EPB41L3: variants seen among roughly 807,000 people sequenced by gnomAD.
EPB41L3 encodes erythrocyte membrane protein band 4.1 like 3.
EPB41L3 carries 57 observed loss-of-function variants against 127.1 expected under a neutral mutation model. The observed-to-expected ratio is 0.45, with a 90% CI of 0.36 to 0.56. The LOEUF (loss-of-function observed/expected upper bound fraction) is 0.56. Ranked by LOEUF, EPB41L3 falls within the 20% of genes least tolerant of loss-of-function variation. The probability of loss-of-function intolerance (pLI) is 0.00; values close to 1 mark genes in which losing one functional copy is unlikely to be tolerated. For synonymous variants in EPB41L3, 572 were observed against 549.5 expected (o/e 1.04, Z -0.57); for missense variants, 1,273 against 1,372.2 (o/e 0.93, Z 1.14).
chr18:5,595,868 T>C (rs1027116327), intron 3 of EPB41L3, among the ~76,000 whole-genome samples: 1 of 152,148 alleles, frequency 6.6e-6, no homozygotes, highest in Non-Finnish European at 1.5e-5. Context: ...TCTGTAATCC[T>C]CCAAAAATTG....
intron 1 of EPB41L3, chr18:5,540,375 T>C (rs573010405): frequency 7.1e-5 from 70 of 985,322 alleles, no homozygotes; most frequent in Middle Eastern, 1.0e-3. Context: ...AGGAGTCTCA[T>C]TGATTGATCA....
intron 5 of EPB41L3, among the ~76,000 whole-genome samples, chr18:5,440,911 C>T (rs1419281952): frequency 6.6e-6 from 1 of 152,190 alleles, no homozygotes; most frequent in African/African-American, 2.4e-5. Context: ...GGGTCTCACT[C>T]TGACACCCAG....
intron 14 of EPB41L3, among the ~76,000 whole-genome samples, chr18:5,409,850 T>A (rs891211020): frequency 3.3e-5 from 5 of 152,120 alleles, no homozygotes; most frequent in Admixed American, 3.3e-4. Flanking sequence ...AAAGATATTT[T>A]AACTACTTAA....
intron 1 of EPB41L3, among the ~76,000 whole-genome samples, chr18:5,501,616 A>G (rs1240235584): frequency 1.3e-5 from 2 of 152,166 alleles, no homozygotes; most frequent in Admixed American, 1.3e-4. Flanking sequence ...CCCCACAATT[A>G]ATTAACTAAG....
At chr18:5,428,167 G>C (rs931787638) in intron 9 of EPB41L3, 146 bp downstream of exon 9, 47 of 831,908 alleles carry the variant, frequency 5.6e-5, no homozygotes, top group Non-Finnish European at 8.7e-5. Context: ...TGTTTATTGG[G>C]CAAACCTACA....
intron 6 of EPB41L3, among the ~76,000 whole-genome samples, chr18:5,436,623 T>C (rs979787133): frequency 1.3e-5 from 2 of 152,046 alleles, no homozygotes; most frequent in Non-Finnish European, 2.9e-5. Flanking sequence ...TTAGCCAGGA[T>C]GGTCTTGATC....
rs558880939 is a variant in EPB41L3, at chr18:5,500,795, A to G, written c.-11-11601T>C. 9.2e-5 allele frequency among the ~76,000 whole-genome samples: 14 copies of G among 152,352 alleles called. No homozygotes were observed. In the East Asian group the frequency reaches 2.7e-3, roughly 29 times the overall value. ...CTGCATCTCATGAATGTAACAGTAC[A>G]GTACAGTACTTATTTCTAGGAGCCC... On this transcript the variant is annotated intron_variant, in intron 1 of 22. Transcript: ENST00000341928.
rs766104072 is a variant in EPB41L3 at position 5,395,638 on chromosome 18, T to C, written c.3043A>G (p.Ser1015Gly). Reference sequence around the variant, plus strand: ...GTGATGTGCGTAGTGGTGGTGGTACTGGTGGTTTCAGATGTGATCGTCTGT... The same window carrying C: ...GTGATGTGCGTAGTGGTGGTGGTACCGGTGGTTTCAGATGTGATCGTCTGT... The part of the protein sequence containing the change: ...SAQTITSETT[S>G]TTTTTHITKT... The change falls in exon 20 of 23, where the codon AGT (serine) becomes GGT (glycine). Residue 1015 changes from serine to glycine, a missense_variant. By Grantham distance (56) the Ser-to-Gly change is moderately conservative. Transcript: ENST00000341928. 15 of 1,614,052 alleles carry C rather than the reference T, an allele frequency of 9.3e-6. 1 individual carries two copies. The highest frequency in any genetic ancestry group is 3.3e-5 in the Admixed American group (2 of 60,010).
chr18:5,603,856 G>T (rs1487014151), intron 3 of EPB41L3, among the ~76,000 whole-genome samples: 1 of 151,978 alleles, frequency 6.6e-6, no homozygotes, highest in Non-Finnish European at 1.5e-5. Context: ...ACAAAGTGAG[G>T]CCTTGTCTCA....
intron 22 of EPB41L3, 177 bp from the exon 23 acceptor site, chr18:5,393,655 G>C (rs1403659943): frequency 8.5e-6 from 4 of 471,002 alleles, no homozygotes; most frequent in Non-Finnish European, 1.5e-5. Context: ...TTACAACAAC[G>C]CCCAAGTGGC....
chr18:5,545,838 A>T (rs2093870208), upstream of EPB41L3, among the ~76,000 whole-genome samples: 1 of 151,860 alleles, frequency 6.6e-6, no homozygotes, highest in Non-Finnish European at 1.5e-5. Flanking sequence ...TATTAGAGAC[A>T]TATATGCACA....
chr18:5,578,710 T>C (rs2094361456), intron 3 of EPB41L3, among the ~76,000 whole-genome samples: 2 of 152,074 alleles, frequency 1.3e-5, no homozygotes, highest in African/African-American at 2.4e-5. Flanking sequence ...AGAGAGAACA[T>C]AATGCAATAA....
intron 14 of EPB41L3, among the ~76,000 whole-genome samples, chr18:5,410,198 T>C (rs548563864): frequency 6.6e-6 from 1 of 151,248 alleles, no homozygotes; most frequent in African/African-American, 2.5e-5. Context: ...AGCCTCTCAT[T>C]TGAGATAGAA....
At chr18:5,565,466 T>C (rs1489549260) in intron 3 of EPB41L3, among the ~76,000 whole-genome samples, 1 of 151,478 alleles carries the variant, frequency 6.6e-6, no homozygotes, top group Non-Finnish European at 1.5e-5. Context: ...TTTTTTTTTT[T>C]AATTATACTT....
chr18:5,544,182 G>A, upstream of EPB41L3: 1 of 985,154 alleles, frequency 1.0e-6, no homozygotes, highest in Non-Finnish European at 1.2e-6. Flanking sequence ...CAGTACTTCA[G>A]GACAGTTACA....
intron 3 of EPB41L3, among the ~76,000 whole-genome samples, chr18:5,605,152 T>C (rs898438257): frequency 6.6e-6 from 1 of 152,146 alleles, no homozygotes; most frequent in East Asian, 1.9e-4. Flanking sequence ...CCCACTCCAG[T>C]ACTCCCCAGG....
intron 1 of EPB41L3, among the ~76,000 whole-genome samples, chr18:5,531,080 T>A (rs753166469): frequency 2.0e-5 from 3 of 152,212 alleles, no homozygotes; most frequent in Non-Finnish European, 4.4e-5. Context: ...TTCTCATGCA[T>A]CTTACAGTTT....
chr18:5,624,684 C>G (rs576859900), intron 1 of EPB41L3, among the ~76,000 whole-genome samples: 1 of 152,318 alleles, frequency 6.6e-6, no homozygotes, highest in East Asian at 1.9e-4. Context: ...CCTCAGATGT[C>G]TCTAGACAGT....
Position 5,415,248 on chromosome 18 carries a change from C to T in EPB41L3, c.2067+570G>A, listed in dbSNP as rs1050668418. ...TAAACTGCTCTGACACAATACAATG[C>T]GGGATCTGATTGACTGACCTCTCTG... On this transcript the variant is annotated intron_variant, in intron 13 of 22. Coordinates refer to ENST00000341928, the MANE Select transcript of EPB41L3 (RefSeq NM_012307.5). Among the ~76,000 whole-genome samples the T allele has an allele frequency of 4.6e-5, 7 of 152,162 alleles. 1 individual carries two copies. The South Asian group carries it at 1.0e-3, about 23-fold the overall frequency.
Sources: allele counts gnomAD v4.1 joint callset (sites outside exome capture counted in the v4.1 genomes callset), GRCh38; gene constraint gnomAD v4.1.1; transcripts MANE v1.5; gene names NCBI Gene and HGNC (gene_info 2026-07-23, HGNC 2026-07-21).